The following LRRK2 variants were observed in gnomAD, a reference collection of about 807,000 sequenced individuals.
LRRK2 encodes the protein leucine-rich repeat serine/threonine-protein kinase 2.
In LRRK2, 203 loss-of-function variants were observed where a neutral mutation model predicts 302.6. The observed-to-expected ratio is 0.67, with a 90% CI of 0.60 to 0.75. The LOEUF is 0.75. LRRK2 is among the 30% of genes least tolerant of loss of function. The probability of loss-of-function intolerance (pLI) is 0.00; values close to 1 mark genes in which losing one functional copy is unlikely to be tolerated. For synonymous variants in LRRK2, 1,066 were observed against 1,031.9 expected (o/e 1.03, Z -0.63); for missense variants, 2,830 against 2,951.0 (o/e 0.96, Z 0.95).
At chr12:40,280,128 A>G (rs1162604974) in intron 18 of LRRK2, among the ~76,000 whole-genome samples, 1 of 152,182 alleles carries the variant, frequency 6.6e-6, no homozygotes, top group Non-Finnish European at 1.5e-5. Context: ...ATCAAATCAC[A>G]GTGGAAAAAG....
chr12:40,225,740 A>G lies in LRRK2; in HGVS notation c.237+100A>G, dbSNP rs2256286. 1,057,275 of 1,064,318 alleles carry G rather than the reference A, an allele frequency of 0.99. 525,444 individuals are homozygous for G. The highest frequency in any genetic ancestry group is 1 in the East Asian group (38,782 of 38,782). The allele number at this position is 1,064,318 out of a possible 1,614,324, so 65.9% of individuals were successfully genotyped here. A position where few individuals can be genotyped will look rare whatever the true frequency, so the allele number is the denominator to read the frequency against. On this transcript the variant is annotated intron_variant, in intron 2 of 50. Transcript: ENST00000298910. ...TAGCCGAGAGTTCTTGGTTATTCCC[A>G]AAATTTGGCTTGAGGAACCTCTGAC... is the stretch of plus-strand genomic sequence containing the variant.
intron 40 of LRRK2, among the ~76,000 whole-genome samples, chr12:40,338,131 T>G (rs1158512260): frequency 1.3e-5 from 2 of 151,884 alleles, no homozygotes; most frequent in African/African-American, 4.8e-5. Context: ...GAGTCAACTT[T>G]GCTGTCTTTA....
chr12:40,259,355 C>A, intron 12 of LRRK2, 125 bp from the exon 13 acceptor site: 3 of 1,183,748 alleles, frequency 2.5e-6, no homozygotes, highest in Non-Finnish European at 3.7e-6. Context: ...ATTTCAAATG[C>A]ATTTTCATAT....
intron 28 of LRRK2, among the ~76,000 whole-genome samples, chr12:40,307,618 A>G (rs1036007532): frequency 2.6e-5 from 4 of 152,026 alleles, no homozygotes; most frequent in East Asian, 3.8e-4. Flanking sequence ...TACATCATAT[A>G]TACCATATAT....
At chr12:40,232,170 A>T in intron 2 of LRRK2, 104 bp from the exon 3 acceptor site, 1 of 832,952 alleles carries the variant, frequency 1.2e-6, no homozygotes. Flanking sequence ...TTTACAAGTG[A>T]GATAAGCATC....
intron 14 of LRRK2, among the ~76,000 whole-genome samples, chr12:40,266,624 C>A (rs1943027448): frequency 6.6e-6 from 1 of 152,134 alleles, no homozygotes; most frequent in Non-Finnish European, 1.5e-5. Context: ...ACTAGAAATA[C>A]CATTTGACCC....
At chr12:40,274,238 A>G (rs1384211507) in intron 14 of LRRK2, among the ~76,000 whole-genome samples, 2 of 152,184 alleles carry the variant, frequency 1.3e-5, no homozygotes, top group Non-Finnish European at 2.9e-5. Context: ...TCTGCAATTT[A>G]TAGTTTGTGT....
chr12:40,326,261 G>A (rs984001034), intron 38 of LRRK2, among the ~76,000 whole-genome samples: 2 of 151,910 alleles, frequency 1.3e-5, no homozygotes, highest in Non-Finnish European at 2.9e-5. Flanking sequence ...TCAGGAGATC[G>A]AGACCATCCT....
Position 40,359,277 on chromosome 12 carries a change from T to C in LRRK2, c.6861T>C (p.Pro2287=). The part of the protein sequence containing the change: ...DKTVKLKGAA[P]LKILNIGNVS... ...TGGCAAAGCTTAAAGGAGCTGCTCC[T>C]TTGAAGATACTAAATATAGGAAATG... Residue 2287 remains proline, a synonymous_variant, in exon 47 of 51, where the codon CCT becomes CCC. Coordinates refer to ENST00000298910, the MANE Select transcript of LRRK2 (RefSeq NM_198578.4). 1 of 1,611,992 alleles carries C rather than the reference T, an allele frequency of 6.2e-7. No individual in the cohort carries two copies. The highest frequency in any genetic ancestry group is 8.5e-7 in the Non-Finnish European group (1 of 1,178,920).
At chr12:40,293,138 G>A (rs1024747418) in intron 20 of LRRK2, among the ~76,000 whole-genome samples, 1 of 152,052 alleles carries the variant, frequency 6.6e-6, no homozygotes, top group Admixed American at 6.6e-5. Flanking sequence ...ACAGAAAGCA[G>A]TAACAGTGAT....
At chr12:40,266,651 G>C (rs923572674) in intron 14 of LRRK2, among the ~76,000 whole-genome samples, 1 of 152,078 alleles carries the variant, frequency 6.6e-6, no homozygotes, top group African/African-American at 2.4e-5. Context: ...CCTGTTAGTG[G>C]GTATATACCC....
intron 20 of LRRK2, among the ~76,000 whole-genome samples, chr12:40,291,213 G>T (rs1944136048): frequency 6.6e-6 from 1 of 151,628 alleles, no homozygotes; most frequent in Non-Finnish European, 1.5e-5. Flanking sequence ...CTCACTCATA[G>T]GTGGGAATTG....
chr12:40,232,440 C>T lies in LRRK2; in HGVS notation c.347+57C>T. The T allele has an allele frequency of 2.5e-6, 3 of 1,211,224 alleles. No individual in the cohort carries two copies. The Admixed American group carries it at 5.1e-5, about 21-fold the overall frequency. 75.0% of individuals were successfully genotyped at this position (1,211,224 alleles called of 1,614,324 possible). ...CTTGAGTATTTATTTGTACACATGA[C>T]AACCTTCCCTTGATACACTGTGTTT... On this transcript the variant is annotated intron_variant, in intron 3 of 50. Coordinates refer to ENST00000298910, the MANE Select transcript of LRRK2 (RefSeq NM_198578.4).
At chr12:40,283,551 G>A (rs1475841843) in intron 18 of LRRK2, among the ~76,000 whole-genome samples, 2 of 152,226 alleles carry the variant, frequency 1.3e-5, no homozygotes, top group African/African-American at 4.8e-5. Context: ...AGCTCAGAAA[G>A]TGTAAGCAAT....
In LRRK2 at chr12:40,298,509, T is replaced by C; in HGVS notation, c.3347+16T>C. ...TTTTAGAAGGGTAAGAAAGAGCTCA[T>C]TAAAAATAAAAGGGTTGCCTAAATA... On this transcript the variant is annotated intron_variant, in intron 24 of 50. Transcript: ENST00000298910. 1 of 1,613,628 alleles carries C rather than the reference T, an allele frequency of 6.2e-7. No homozygotes were observed. The highest frequency in any genetic ancestry group is 1.1e-5 in the South Asian group (1 of 91,074).
At chr12:40,240,360 T>C in intron 5 of LRRK2, 123 bp from the exon 6 acceptor site, 1 of 859,618 alleles carries the variant, frequency 1.2e-6, no homozygotes, top group Non-Finnish European at 1.9e-6. Context: ...GAAATATATT[T>C]TTTATTTAAG....
Position 40,293,635 on chromosome 12 carries a change from C to A in LRRK2, c.2780C>A (p.Pro927Gln). ...YRDAVLQRCS[P>Q]NLQRHSNSLG... ...GATGCCGTATTACAGCGTTGCTCAC[C>A]AAATTTGCAAAGACATTCCAATTCC... Residue 927 changes from proline to glutamine, a missense_variant, in exon 21 of 51, where the codon CCA (proline) becomes CAA (glutamine). By Grantham distance (76) the Pro-to-Gln change is moderately conservative. Transcript: ENST00000298910. 1 of 1,609,958 alleles carries A rather than the reference C, an allele frequency of 6.2e-7. No individual in the cohort carries two copies. The highest frequency in any genetic ancestry group is 1.1e-5 in the South Asian group (1 of 90,974).
At chr12:40,237,293 A>G (rs1273836110) in intron 4 of LRRK2, among the ~76,000 whole-genome samples, 1 of 152,186 alleles carries the variant, frequency 6.6e-6, no homozygotes, top group Admixed American at 6.5e-5. Flanking sequence ...GCAAGACCAC[A>G]TTTGTGTTTT....
At chr12:40,254,725 G>A (rs916920511) in intron 11 of LRRK2, among the ~76,000 whole-genome samples, 10 of 152,260 alleles carry the variant, frequency 6.6e-5, no homozygotes, top group African/African-American at 2.2e-4. Context: ...TGGTGTCTGA[G>A]GACTGGTTAC....
Sources: allele counts gnomAD v4.1 joint callset (sites outside exome capture counted in the v4.1 genomes callset), GRCh38; gene constraint gnomAD v4.1.1; transcripts MANE v1.5; gene names NCBI Gene and HGNC (gene_info 2026-07-23, HGNC 2026-07-21).